The following ROBO1 variants were observed in gnomAD, a reference collection of about 807,000 sequenced individuals.
The protein encoded by ROBO1 is roundabout guidance receptor 1.
Under a neutral mutation model 195.9 loss-of-function variants are expected in ROBO1, and 149 were observed. That is an observed-to-expected ratio of 0.76 (90% confidence interval 0.67 to 0.87). The LOEUF (loss-of-function observed/expected upper bound fraction) is 0.87. ROBO1 is among the 40% of genes least tolerant of loss of function. ROBO1 has a pLI of 0.00. For missense variants in ROBO1, 1,933 were observed against 2,068.3 expected (o/e 0.93, Z 1.27); for synonymous variants, 816 against 733.2 (o/e 1.11, Z -1.82).
At chr3:78,849,830 T>TCACACACA (rs2033926639) in intron 4 of ROBO1, among the ~76,000 whole-genome samples, 1 of 102,318 alleles carries the variant, frequency 9.8e-6, no homozygotes, top group African/African-American at 7.1e-5. Context: ...CTCTCTCCCA[T>TCACACACA]TACACACACA....
At chr3:78,986,594 T>C (rs1241398282) in intron 3 of ROBO1, among the ~76,000 whole-genome samples, 3 of 152,140 alleles carry the variant, frequency 2.0e-5, no homozygotes, top group African/African-American at 7.2e-5. Flanking sequence ...ACAGAAAATG[T>C]TTCCTTCTCC....
At chr3:79,731,357 G>A (rs1703141523) in intron 1 of ROBO1, among the ~76,000 whole-genome samples, 1 of 152,118 alleles carries the variant, frequency 6.6e-6, no homozygotes, top group Non-Finnish European at 1.5e-5. Flanking sequence ...TGTAAAGCAT[G>A]TAAAGTATGT....
At chr3:78,633,638 G>A (rs1368081609) in intron 24 of ROBO1, among the ~76,000 whole-genome samples, 1 of 152,094 alleles carries the variant, frequency 6.6e-6, no homozygotes, top group Non-Finnish European at 1.5e-5. Context: ...TTTGGCCAAC[G>A]GGGAAAAAGT....
At chr3:79,362,044 C>A (rs1400078134) in intron 2 of ROBO1, among the ~76,000 whole-genome samples, 3 of 151,830 alleles carry the variant, frequency 2.0e-5, no homozygotes, top group African/African-American at 4.8e-5. Context: ...ATCACACATA[C>A]GGTAGATATG....
chr3:79,503,715 ATC>A (rs1940241183), intron 2 of ROBO1, among the ~76,000 whole-genome samples: 1 of 152,142 alleles, frequency 6.6e-6, no homozygotes, highest in Admixed American at 6.5e-5. Flanking sequence ...TCTCTGAGAA[ATC>A]TGTTTTCAGT....
chr3:78,805,244 G>T (rs894265551), intron 4 of ROBO1, among the ~76,000 whole-genome samples: 4 of 152,070 alleles, frequency 2.6e-5, no homozygotes, highest in Non-Finnish European at 5.9e-5. Flanking sequence ...TAGAATTTAT[G>T]AACTTTTTTC....
chr3:79,469,578 C>A lies in ROBO1; in HGVS notation c.88+120246G>T, dbSNP rs569538486. On this transcript the variant is annotated intron_variant, in intron 2 of 30. Transcript: ENST00000464233. ...AGCCGGATTTAAATCTCAACCCTGC[C>A]GTACAACTGTGCTTGCCTGGGCAGC... is the stretch of plus-strand genomic sequence containing the variant. 3.3e-5 allele frequency among the ~76,000 whole-genome samples: 5 copies of A among 152,244 alleles called. No homozygotes were observed. In the South Asian group the frequency reaches 1.0e-3, roughly 32 times the overall value.
chr3:79,294,057 CAAAAAAAAAAAA>C (rs71631641), intron 2 of ROBO1, among the ~76,000 whole-genome samples: 54 of 29,056 alleles, frequency 1.9e-3, no homozygotes, highest in African/African-American at 4.9e-3. Flanking sequence ...GACTCCATCT[CAAAAAAAAAAAA>C]AAAAAAAAAA....
At chr3:79,111,393 A>G (rs1174000257) in intron 3 of ROBO1, among the ~76,000 whole-genome samples, 2 of 152,182 alleles carry the variant, frequency 1.3e-5, no homozygotes, top group Non-Finnish European at 2.9e-5. Context: ...GACAAAACTG[A>G]ATACCTGATC....
intron 4 of ROBO1, among the ~76,000 whole-genome samples, chr3:78,866,040 A>G (rs1400131284): frequency 1.3e-5 from 2 of 152,184 alleles, no homozygotes; most frequent in Non-Finnish European, 2.9e-5. Context: ...TGTAACAAAG[A>G]TATTTCTTGG....
intron 4 of ROBO1, among the ~76,000 whole-genome samples, chr3:78,924,774 G>C (rs1037916023): frequency 6.6e-6 from 1 of 152,116 alleles, no homozygotes; most frequent in African/African-American, 2.4e-5. Context: ...GGCAAAGGCT[G>C]TGACATTCTA....
At chr3:78,738,684 C>A (rs1435285004) in intron 5 of ROBO1, among the ~76,000 whole-genome samples, 23 of 152,052 alleles carry the variant, frequency 1.5e-4, no homozygotes, top group Admixed American at 1.5e-3. Context: ...AACACCAGGA[C>A]CATCCTGGGC....
At chr3:79,074,238 C>T (rs2079134151) in intron 3 of ROBO1, among the ~76,000 whole-genome samples, 1 of 151,858 alleles carries the variant, frequency 6.6e-6, no homozygotes, top group South Asian at 2.1e-4. Context: ...AAGGCGCTCT[C>T]CATTGCTTCA....
At chr3:79,284,134 A>G (rs977934238) in intron 2 of ROBO1, among the ~76,000 whole-genome samples, 8 of 151,904 alleles carry the variant, frequency 5.3e-5, no homozygotes, top group Non-Finnish European at 1.0e-4. Flanking sequence ...TCAGGAATAA[A>G]TGTTTCTCTT....
In ROBO1 at chr3:79,235,918, G is replaced by T. The variant is rs574549570; in HGVS notation, c.89-110379C>A. Among the ~76,000 whole-genome samples the T allele has an allele frequency of 4.6e-5, 7 of 152,164 alleles. No individual in the cohort carries two copies. The South Asian group carries it at 1.5e-3, about 32-fold the overall frequency. ...ATACTATATTTTTGAAAATTTTAGA[G>T]TTAATGAAAATAATGACAACAATAT... On this transcript the variant is annotated intron_variant, in intron 2 of 30. Coordinates refer to ENST00000464233, the MANE Select transcript of ROBO1 (RefSeq NM_002941.4).
At chr3:79,600,609 C>T (rs1199154977) in intron 1 of ROBO1, among the ~76,000 whole-genome samples, 1 of 151,414 alleles carries the variant, frequency 6.6e-6, no homozygotes, top group East Asian at 2.0e-4. Context: ...TGATCATTCT[C>T]TTCCCTCTGC....
chr3:79,047,619 C>T (rs899658713), intron 3 of ROBO1, among the ~76,000 whole-genome samples: 7 of 152,058 alleles, frequency 4.6e-5, no homozygotes, highest in Non-Finnish European at 8.8e-5. Flanking sequence ...TAAATCACTA[C>T]GTTTTGGGGT....
At chr3:79,494,040 G>T (rs1380629862) in intron 2 of ROBO1, among the ~76,000 whole-genome samples, 5 of 152,036 alleles carry the variant, frequency 3.3e-5, no homozygotes, top group Non-Finnish European at 7.4e-5. Context: ...TGAACTATTT[G>T]CTCTAAAAGT....
chr3:78,679,135 C>G (rs1482534390), intron 10 of ROBO1, among the ~76,000 whole-genome samples: 6 of 152,060 alleles, frequency 3.9e-5, no homozygotes, highest in Non-Finnish European at 5.9e-5. Flanking sequence ...ACACTTCATG[C>G]TAAAAACTCT....
Sources: allele counts gnomAD v4.1 joint callset (sites outside exome capture counted in the v4.1 genomes callset), GRCh38; gene constraint gnomAD v4.1.1; transcripts MANE v1.5; gene names NCBI Gene and HGNC (gene_info 2026-07-23, HGNC 2026-07-21).